SENP7: variants seen among roughly 807,000 people sequenced by gnomAD.
The protein encoded by SENP7 is SUMO specific peptidase 7.
A neutral mutation model predicts 141.2 loss-of-function variants in SENP7; 64 were observed. The ratio of observed to expected loss-of-function variants is 0.45; its 90% CI spans 0.37 to 0.56. SENP7 has a LOEUF of 0.56. Among genes scored for constraint, SENP7 ranks in the 20% least tolerant of loss-of-function variants. The pLI is 0.00. For synonymous variants in SENP7, 382 were observed against 426.4 expected (o/e 0.90, Z 1.28); for missense variants, 1,025 against 1,212.2 (o/e 0.85, Z 2.29).
At chr3:101,386,313 A>G (rs1367523572) in intron 6 of SENP7, among the ~76,000 whole-genome samples, 1 of 152,192 alleles carries the variant, frequency 6.6e-6, no homozygotes, top group African/African-American at 2.4e-5. Flanking sequence ...CCGGAAGTCC[A>G]TGTTCCACTG....
chr3:101,359,975 C>T (rs1400454288), intron 11 of SENP7, among the ~76,000 whole-genome samples: 3 of 151,892 alleles, frequency 2.0e-5, no homozygotes, highest in Admixed American at 6.6e-5. Flanking sequence ...TTCCTTCCCC[C>T]GGCTAATCAT....
At chr3:101,468,787 G>T (rs1473143007) in intron 3 of SENP7, among the ~76,000 whole-genome samples, 1 of 152,126 alleles carries the variant, frequency 6.6e-6, no homozygotes, top group Non-Finnish European at 1.5e-5. Flanking sequence ...GTGCTATGAA[G>T]AAACTGCATA....
intron 11 of SENP7, 60 bp from the exon 12 acceptor site, chr3:101,351,711 A>T (rs1369192836): frequency 5.2e-5 from 60 of 1,162,550 alleles, no homozygotes; most frequent in South Asian, 1.6e-4. Context: ...TACTATTCAA[A>T]TTTTTTTTTT....
At chr3:101,390,394 A>G (rs1481258236) in intron 6 of SENP7, among the ~76,000 whole-genome samples, 1 of 151,826 alleles carries the variant, frequency 6.6e-6, no homozygotes, top group Non-Finnish European at 1.5e-5. Context: ...AGCATGCAAG[A>G]GCAGCTATAC....
chr3:101,338,513 T>C (rs576792557), intron 16 of SENP7, among the ~76,000 whole-genome samples: 2 of 152,362 alleles, frequency 1.3e-5, no homozygotes, highest in South Asian at 4.1e-4. Context: ...TTATAGTTTA[T>C]GCAGGCTTGA....
chr3:101,378,994 C>T (rs1006269478), intron 6 of SENP7, among the ~76,000 whole-genome samples: 12 of 152,142 alleles, frequency 7.9e-5, no homozygotes, highest in African/African-American at 2.9e-4. Context: ...TTCTGTAAAG[C>T]TACGGTAATC....
Position 101,417,766 on chromosome 3 carries a change from A to G in SENP7, c.309T>C (p.Asn103=), listed in dbSNP as rs2061669571. ...TTCGTCCTAAATCCGTCCATAGGACATTCGTCAACATAACTTTGAGTTGCC... is the reference window on the plus strand; with the variant it reads ...TTCGTCCTAAATCCGTCCATAGGACGTTCGTCAACATAACTTTGAGTTGCC... ...PERQLKVMLT[N]VLWTDLGRKF... The change falls in exon 5 of 24, where the codon AAT becomes AAC. Residue 103 remains asparagine, a synonymous_variant. Transcript: ENST00000394095. 1 of 1,613,858 alleles carries G rather than the reference A, an allele frequency of 6.2e-7. No individual in the cohort carries two copies. Among genetic ancestry groups the G allele is most frequent in the Non-Finnish European group, 8.5e-7 (1 of 1,179,732 alleles).
intron 5 of SENP7, among the ~76,000 whole-genome samples, chr3:101,412,288 T>C (rs537450977): frequency 1.3e-5 from 2 of 152,218 alleles, no homozygotes; most frequent in Admixed American, 1.3e-4. Flanking sequence ...TTCTCATAAC[T>C]CTATGCTTGT....
At chr3:101,402,799 G>T (rs952401338) in intron 5 of SENP7, among the ~76,000 whole-genome samples, 1 of 152,060 alleles carries the variant, frequency 6.6e-6, no homozygotes, top group Non-Finnish European at 1.5e-5. Flanking sequence ...AAATATTACA[G>T]CTCGTTGACA....
At chr3:101,385,593 C>T (rs1338027546) in intron 6 of SENP7, among the ~76,000 whole-genome samples, 2 of 152,196 alleles carry the variant, frequency 1.3e-5, no homozygotes, top group Non-Finnish European at 2.9e-5. Flanking sequence ...TCTTGTGACC[C>T]TCTCCATCTA....
At chr3:101,494,838 A>T (rs1257139980) in intron 2 of SENP7, among the ~76,000 whole-genome samples, 1 of 152,212 alleles carries the variant, frequency 6.6e-6, no homozygotes, top group African/African-American at 2.4e-5. Flanking sequence ...AAACTATAAA[A>T]ACCCTACAAG....
chr3:101,477,525 A>G (rs1315584170), intron 3 of SENP7, among the ~76,000 whole-genome samples: 3 of 152,188 alleles, frequency 2.0e-5, no homozygotes, highest in Non-Finnish European at 4.4e-5. Context: ...ATGCACCTGA[A>G]AAAAATAGAA....
chr3:101,435,425 G>T (rs1296285504), intron 4 of SENP7, among the ~76,000 whole-genome samples: 1 of 152,078 alleles, frequency 6.6e-6, no homozygotes, highest in African/African-American at 2.4e-5. Flanking sequence ...AGTATTGGAA[G>T]TCCTAGCTAG....
intron 1 of SENP7, among the ~76,000 whole-genome samples, chr3:101,508,576 G>T (rs1277360296): frequency 6.6e-6 from 1 of 152,132 alleles, no homozygotes; most frequent in East Asian, 1.9e-4. Flanking sequence ...TCCAGCCTGG[G>T]GGGCAGAGTG....
intron 16 of SENP7, 56 bp downstream of exon 16, chr3:101,340,039 T>C: frequency 6.8e-7 from 1 of 1,476,758 alleles, no homozygotes; most frequent in Non-Finnish European, 9.0e-7. Context: ...GACATTTATT[T>C]TAAGTTTCTC....
chr3:101,506,833 G>A (rs761552923), intron 1 of SENP7, among the ~76,000 whole-genome samples: 2 of 152,182 alleles, frequency 1.3e-5, no homozygotes, highest in East Asian at 1.9e-4. Flanking sequence ...TGGGAGGATC[G>A]CTTGAGGCGA....
chr3:101,389,111 A>G (rs2060740145), intron 6 of SENP7, among the ~76,000 whole-genome samples: 1 of 152,148 alleles, frequency 6.6e-6, no homozygotes, highest in Admixed American at 6.5e-5. Context: ...CAAGTTGAGC[A>G]AAAGATTTAT....
intron 5 of SENP7, among the ~76,000 whole-genome samples, chr3:101,410,450 T>A (rs1576261980): frequency 6.6e-6 from 1 of 152,040 alleles, no homozygotes; most frequent in South Asian, 2.1e-4. Context: ...GGAAAGGAAG[T>A]ATAGGAAAAA....
chr3:101,443,579 T>A (rs2062766060), intron 4 of SENP7, among the ~76,000 whole-genome samples: 1 of 151,866 alleles, frequency 6.6e-6, no homozygotes, highest in African/African-American at 2.4e-5. Flanking sequence ...TTCCTACCCA[T>A]GAGCATGGAA....
Sources: allele counts gnomAD v4.1 joint callset (sites outside exome capture counted in the v4.1 genomes callset), GRCh38; gene constraint gnomAD v4.1.1; transcripts MANE v1.5; gene names NCBI Gene and HGNC (gene_info 2026-07-23, HGNC 2026-07-21).